Variants in CDH13 observed in about 807,000 individuals in gnomAD.
The protein encoded by CDH13 is cadherin 13, also known as cadherin-13.
A neutral mutation model predicts 63.8 loss-of-function variants in CDH13; 24 were observed. The observed-to-expected ratio is 0.38, with a 90% CI of 0.27 to 0.53. The LOEUF is 0.53. Ranked by LOEUF, CDH13 falls within the 20% of genes least tolerant of loss-of-function variation. The pLI is 0.85. For missense variants in CDH13, 1,049 were observed against 903.1 expected, an observed-to-expected ratio of 1.16 and a Z score of -2.07; for synonymous variants, 503 against 355.3, an observed-to-expected ratio of 1.42 and a Z score of -4.67.
intron 8 of CDH13, among the ~76,000 whole-genome samples, chr16:83,656,925 A>G (rs1912922433): frequency 1.3e-5 from 2 of 152,220 alleles, no homozygotes; most frequent in Admixed American, 6.5e-5. Flanking sequence ...CAGATGTGGT[A>G]CATTCTGGGA....
chr16:83,223,383 G>T (rs952606771), intron 5 of CDH13, among the ~76,000 whole-genome samples: 2 of 152,216 alleles, frequency 1.3e-5, no homozygotes, highest in African/African-American at 4.8e-5. Flanking sequence ...CTACCCATGA[G>T]GGTGGAACAC....
chr16:83,711,313 G>A (rs1013389010), intron 10 of CDH13, among the ~76,000 whole-genome samples: 5 of 152,146 alleles, frequency 3.3e-5, no homozygotes, highest in Admixed American at 6.5e-5. Context: ...AAACAATAGC[G>A]GGAAACAAAT....
rs2037749059 is a variant in CDH13 at position 83,167,854 on chromosome 16, G to T, written c.483+42353G>T. 3.3e-5 allele frequency among the ~76,000 whole-genome samples: 5 copies of T among 152,036 alleles called. No homozygotes were observed. In the South Asian group the frequency reaches 1.0e-3, roughly 32 times the overall value. On this transcript the variant is annotated intron_variant, in intron 4 of 13. Transcript: ENST00000567109. Reference sequence around the variant, plus strand: ...AAAAAACGTGGTACATATGTATCATGGAATACCATGCAGCCATAAAAAAAT... The same window carrying T: ...AAAAAACGTGGTACATATGTATCATTGAATACCATGCAGCCATAAAAAAAT...
intron 2 of CDH13, among the ~76,000 whole-genome samples, chr16:82,989,973 C>T (rs193301874): frequency 6.6e-6 from 1 of 152,224 alleles, no homozygotes; most frequent in Non-Finnish European, 1.5e-5. Context: ...CCCTCAATAG[C>T]CATTTCTTGT....
At chr16:83,405,054 G>C (rs949076205) in intron 6 of CDH13, among the ~76,000 whole-genome samples, 5 of 151,624 alleles carry the variant, frequency 3.3e-5, no homozygotes, top group African/African-American at 9.7e-5. Flanking sequence ...GATGATAAAA[G>C]TAAAAGCAGG....
At chr16:83,002,200 T>A (rs962275570) in intron 2 of CDH13, among the ~76,000 whole-genome samples, 1 of 152,226 alleles carries the variant, frequency 6.6e-6, no homozygotes, top group African/African-American at 2.4e-5. Context: ...AAGAATCTGA[T>A]AATGAGAGGA....
At chr16:82,922,409 AG>A (rs1369437426) in intron 2 of CDH13, among the ~76,000 whole-genome samples, 1 of 152,238 alleles carries the variant, frequency 6.6e-6, no homozygotes, top group Non-Finnish European at 1.5e-5. Context: ...TTCACATGCC[AG>A]GGAGTAGAAC....
At chr16:82,822,411 G>A (rs1328655705) in intron 1 of CDH13, among the ~76,000 whole-genome samples, 1 of 152,074 alleles carries the variant, frequency 6.6e-6, no homozygotes, top group Non-Finnish European at 1.5e-5. Context: ...GTCTTTGAGG[G>A]GATGCACATT....
intron 8 of CDH13, among the ~76,000 whole-genome samples, chr16:83,662,331 G>C (rs1464354633): frequency 6.6e-6 from 1 of 152,168 alleles, no homozygotes; most frequent in Non-Finnish European, 1.5e-5. Context: ...CTCTCTCTTT[G>C]CATGATGGAG....
chr16:82,678,831 C>T (rs574520447), intron 1 of CDH13, among the ~76,000 whole-genome samples: 11 of 152,212 alleles, frequency 7.2e-5, no homozygotes, highest in Admixed American at 2.0e-4. Context: ...GTACTCACAG[C>T]AAAATATTTA....
chr16:83,783,366 G>C lies in CDH13; in HGVS notation c.2028G>C (p.Arg676Ser). ...KPPMTNITDLRVQVCSCRNSK... is the reference protein window; with the variant it reads ...KPPMTNITDLSVQVCSCRNSK... ...CCATGACGAATATCACAGATCTCAG[G>C]GTACAAGTGTGCTCCTGCAGGAATT... The change falls in exon 13 of 14, where the codon AGG (arginine) becomes AGC (serine). Residue 676 changes from arginine to serine, a missense_variant. By Grantham distance (110) the Arg-to-Ser change is moderately radical. Coordinates refer to ENST00000567109, the MANE Select transcript of CDH13 (RefSeq NM_001257.5). The C allele has an allele frequency of 6.2e-7, 1 of 1,613,976 alleles. No individual in the cohort carries two copies.
chr16:82,968,366 A>T (rs540894959), intron 2 of CDH13, among the ~76,000 whole-genome samples: 2 of 152,324 alleles, frequency 1.3e-5, no homozygotes, highest in South Asian at 4.1e-4. Flanking sequence ...CCTCAGACCT[A>T]GTGGTCCAGT....
At chr16:82,692,556 C>G (rs977951451) in intron 1 of CDH13, among the ~76,000 whole-genome samples, 2 of 152,182 alleles carry the variant, frequency 1.3e-5, no homozygotes, top group Non-Finnish European at 2.9e-5. Context: ...TAATTTACCT[C>G]TCTCTTGTTC....
intron 6 of CDH13, among the ~76,000 whole-genome samples, chr16:83,439,953 A>C (rs966273091): frequency 6.6e-6 from 1 of 152,212 alleles, no homozygotes; most frequent in Non-Finnish European, 1.5e-5. Flanking sequence ...TTGGGTGTCA[A>C]ATGTAAAGAA....
intron 11 of CDH13, among the ~76,000 whole-genome samples, chr16:83,770,620 G>T (rs751318360): frequency 6.6e-6 from 1 of 152,184 alleles, no homozygotes; most frequent in African/African-American, 2.4e-5. Context: ...CATTTTTGAG[G>T]TTATTTATTG....
chr16:83,053,256 C>G (rs376559919), intron 3 of CDH13, among the ~76,000 whole-genome samples: 12 of 152,048 alleles, frequency 7.9e-5, no homozygotes, highest in African/African-American at 2.9e-4. Flanking sequence ...TTAGCTGTAA[C>G]TTAATATAGG....
chr16:83,011,518 T>C (rs1170052403), intron 2 of CDH13, among the ~76,000 whole-genome samples: 1 of 152,190 alleles, frequency 6.6e-6, no homozygotes, highest in East Asian at 1.9e-4. Flanking sequence ...ATGTTGCTTC[T>C]GGGTCCTGTG....
In CDH13 at chr16:83,619,408, G is replaced by T. The variant is rs114557465; in HGVS notation, c.1101+16814G>T. On this transcript the variant is annotated intron_variant, in intron 8 of 13. Coordinates refer to ENST00000567109, the MANE Select transcript of CDH13 (RefSeq NM_001257.5). ...GGAGGGCTTCTCAGAGGAGGTGACT[G>T]TATTCATTTCCTGGGCTGCCATAAC... is the stretch of plus-strand genomic sequence containing the variant. 7.5e-3 allele frequency among the ~76,000 whole-genome samples: 1,137 copies of T among 152,326 alleles called. 22 individuals are homozygous for T. Among genetic ancestry groups the T allele is most frequent in the African/African-American group, 0.026 (1,081 of 41,576 alleles).
intron 5 of CDH13, among the ~76,000 whole-genome samples, chr16:83,317,743 T>G (rs192737853): frequency 7.3e-5 from 11 of 150,894 alleles, no homozygotes; most frequent in East Asian, 2.0e-4. Flanking sequence ...GAGGTTGCAG[T>G]GAGCCAAGAC....
Sources: allele counts gnomAD v4.1 joint callset (sites outside exome capture counted in the v4.1 genomes callset), GRCh38; gene constraint gnomAD v4.1.1; transcripts MANE v1.5; gene names NCBI Gene and HGNC (gene_info 2026-07-23, HGNC 2026-07-21).